CNGB3: variants seen among roughly 807,000 people sequenced by gnomAD.
CNGB3 encodes cyclic nucleotide gated channel subunit beta 3.
Under a neutral mutation model 92.8 loss-of-function variants are expected in CNGB3, and 86 were observed. That is an observed-to-expected ratio of 0.93 (90% CI 0.78 to 1.11). The LOEUF (loss-of-function observed/expected upper bound fraction) is 1.11. Ranked by LOEUF, CNGB3 falls within the 50% of genes least tolerant of loss-of-function variation. The pLI, the probability that CNGB3 is intolerant of heterozygous loss-of-function variation, is 0.00. For synonymous variants in CNGB3, 333 were observed against 332.7 expected (o/e 1.00, Z -0.01); for missense variants, 1,026 against 956.8 (o/e 1.07, Z -0.95).
intron 8 of CNGB3, among the ~76,000 whole-genome samples, chr8:86,646,127 G>T (rs1013621065): frequency 6.6e-6 from 1 of 150,968 alleles, no homozygotes; most frequent in African/African-American, 2.4e-5. Flanking sequence ...TAAATCTATA[G>T]AAACCTGAGA....
chr8:86,729,212 A>G (rs1337764790), intron 2 of CNGB3, among the ~76,000 whole-genome samples: 2 of 152,142 alleles, frequency 1.3e-5, no homozygotes, highest in African/African-American at 4.8e-5. Flanking sequence ...GCTATTTCTT[A>G]TAAAGCCACA....
intron 15 of CNGB3, among the ~76,000 whole-genome samples, chr8:86,601,433 G>T (rs1367913488): frequency 6.6e-6 from 1 of 152,074 alleles, no homozygotes; most frequent in East Asian, 1.9e-4. Flanking sequence ...TTTTCTCAAT[G>T]ACAGGCTATT....
At chr8:86,730,600 C>G (rs924135463) in intron 2 of CNGB3, among the ~76,000 whole-genome samples, 1 of 152,140 alleles carries the variant, frequency 6.6e-6, no homozygotes, top group Non-Finnish European at 1.5e-5. Context: ...GATGCATAAA[C>G]AATACTATTA....
At chr8:86,703,155 C>A (rs1010799393) in intron 3 of CNGB3, among the ~76,000 whole-genome samples, 1 of 151,908 alleles carries the variant, frequency 6.6e-6, no homozygotes, top group Non-Finnish European at 1.5e-5. Flanking sequence ...TTCTTTAGTG[C>A]GTCGTGCTTT....
intron 2 of CNGB3, among the ~76,000 whole-genome samples, chr8:86,726,885 G>T (rs1437202139): frequency 6.6e-6 from 1 of 152,144 alleles, no homozygotes; most frequent in African/African-American, 2.4e-5. Context: ...TAATGACAGA[G>T]ATATATTCTG....
chr8:86,658,778 C>A (rs763978595), intron 6 of CNGB3: 3 of 521,086 alleles, frequency 5.8e-6, no homozygotes, highest in Non-Finnish European at 1.0e-5. Context: ...CAGTCTGCAA[C>A]TTGGCCAGCT....
At chr8:86,637,731 A>G (rs1206077774) in intron 10 of CNGB3, among the ~76,000 whole-genome samples, 1 of 151,914 alleles carries the variant, frequency 6.6e-6, no homozygotes, top group Non-Finnish European at 1.5e-5. Flanking sequence ...CTTTTCAGAG[A>G]GTTTATTGTT....
At chr8:86,692,206 A>G (rs983709891) in intron 3 of CNGB3, among the ~76,000 whole-genome samples, 1 of 152,128 alleles carries the variant, frequency 6.6e-6, no homozygotes, top group Admixed American at 6.5e-5. Context: ...GTCTGCAGTT[A>G]TTGGGTAGAA....
At chr8:86,582,744 G>A (rs1026233659) in intron 15 of CNGB3, among the ~76,000 whole-genome samples, 2 of 152,236 alleles carry the variant, frequency 1.3e-5, no homozygotes, top group African/African-American at 2.4e-5. Context: ...CCCTTCAAAA[G>A]TAAAGAAGAA....
chr8:86,686,704 C>T lies in CNGB3; in HGVS notation c.339-15606G>A, dbSNP rs545418531. Among the ~76,000 whole-genome samples the T allele has an allele frequency of 6.6e-5, 10 of 152,046 alleles. No individual in the cohort carries two copies. The South Asian group carries it at 2.1e-3, about 31-fold the overall frequency. On this transcript the variant is annotated intron_variant, in intron 3 of 17. Coordinates refer to ENST00000320005, the MANE Select transcript of CNGB3 (RefSeq NM_019098.5). Reference sequence around the variant, plus strand: ...GGTTCCTACCGTGCTATCTGTGGTACTAGGTTCTTAAACTTTTGACTCAGG... The same window carrying T: ...GGTTCCTACCGTGCTATCTGTGGTATTAGGTTCTTAAACTTTTGACTCAGG...
intron 15 of CNGB3, among the ~76,000 whole-genome samples, chr8:86,580,724 T>A (rs1320938463): frequency 6.6e-6 from 1 of 152,208 alleles, no homozygotes; most frequent in African/African-American, 2.4e-5. Flanking sequence ...ACCGGTGATC[T>A]GAGAAGGAAG....
chr8:86,704,582 A>G (rs1051249195), intron 3 of CNGB3, among the ~76,000 whole-genome samples: 1 of 152,124 alleles, frequency 6.6e-6, no homozygotes, highest in Non-Finnish European at 1.5e-5. Flanking sequence ...AGGCTTTGGG[A>G]GCTACATCAG....
At chr8:86,638,982 A>T (rs1389368757) in intron 10 of CNGB3, among the ~76,000 whole-genome samples, 1 of 151,558 alleles carries the variant, frequency 6.6e-6, no homozygotes, top group Non-Finnish European at 1.5e-5. Context: ...GATCTCAGCT[A>T]TGAGGTATCT....
chr8:86,712,892 T>C (rs1416091852), intron 3 of CNGB3, among the ~76,000 whole-genome samples: 1 of 151,888 alleles, frequency 6.6e-6, no homozygotes, highest in Non-Finnish European at 1.5e-5. Flanking sequence ...CGCCTGGCTT[T>C]CTGGCTACTT....
chr8:86,711,940 G>A (rs1031101416), intron 3 of CNGB3, among the ~76,000 whole-genome samples: 51 of 151,606 alleles, frequency 3.4e-4, no homozygotes, highest in Non-Finnish European at 1.6e-4. Flanking sequence ...AGTAAGGCCA[G>A]ACTTTCAGAT....
At chr8:86,698,344 T>C (rs1824489039) in intron 3 of CNGB3, among the ~76,000 whole-genome samples, 1 of 152,232 alleles carries the variant, frequency 6.6e-6, no homozygotes, top group African/African-American at 2.4e-5. Context: ...TGAATGTTAT[T>C]ATGACTTTAT....
intron 3 of CNGB3, among the ~76,000 whole-genome samples, chr8:86,675,482 C>G (rs772197476): frequency 5.3e-5 from 8 of 152,078 alleles, no homozygotes; most frequent in Non-Finnish European, 1.2e-4. Context: ...CTGTCACCAT[C>G]ATAGCTTACT....
At chr8:86,576,546 G>GT (rs1161951583) in intron 17 of CNGB3, among the ~76,000 whole-genome samples, 1 of 152,048 alleles carries the variant, frequency 6.6e-6, no homozygotes, top group Non-Finnish European at 1.5e-5. Context: ...AAAAAGTAGG[G>GT]TTTTCCTCTT....
intron 12 of CNGB3, among the ~76,000 whole-genome samples, chr8:86,627,425 G>T (rs72692238): frequency 0.043 from 6,581 of 152,172 alleles, 198 homozygotes; most frequent in East Asian, 0.069. Flanking sequence ...TAAACACGAG[G>T]CTGGAGTTTT....
Sources: gnomAD v4.1 joint callset for allele counts (sites outside exome capture counted in the v4.1 genomes callset) on GRCh38, gnomAD v4.1.1 for gene constraint, MANE v1.5 for transcripts, NCBI Gene and HGNC (gene_info 2026-07-23, HGNC 2026-07-21) for gene names.